Variants in LY6L observed in about 807,000 individuals in gnomAD.
The protein encoded by LY6L is lymphocyte antigen 6L.
A neutral mutation model predicts 8.3 loss-of-function variants in LY6L; 8 were observed. The ratio of observed to expected loss-of-function variants is 0.97; its 90% CI spans 0.57 to 1.74. LY6L has a LOEUF of 1.74. LY6L is among the 40% of genes most tolerant of loss of function. The pLI is 0.00. For missense variants in LY6L, 156 were observed against 183.8 expected (o/e 0.85, Z 0.87); for synonymous variants, 79 against 77.9 (o/e 1.01, Z -0.07).
chr8:143,082,868 C>A lies in LY6L; in HGVS notation c.*217C>A, dbSNP rs1175985456. ...GAGAACCCCAAGGATTCAGCAACTG[C>A]TCCTCCTGGGGAAGGACAGTGCCTC... is the stretch of plus-strand genomic sequence containing the variant. On this transcript the variant is annotated 3_prime_UTR_variant, in exon 4 of 4. Coordinates refer to ENST00000562505, the MANE Select transcript of LY6L (RefSeq NM_001368160.2). 1 of 517,148 alleles carries A rather than the reference C, an allele frequency of 1.9e-6. No homozygotes were observed. Among genetic ancestry groups the A allele is most frequent in the Non-Finnish European group, 3.4e-6 (1 of 292,652 alleles). 32.0% of individuals were successfully genotyped at this position (517,148 alleles called of 1,614,324 possible).
chr8:143,082,478 G>A lies in LY6L; in HGVS notation c.244G>A (p.Asp82Asn), dbSNP rs1335741120. ...ACGCTGTGCTCCCAGATGTCCCAAC[G>A]ACAACATGAAGTTCGAATGGTCGCC... ...SKRCAPRCPN[D>N]NMKFEWSPAP... Residue 82 changes from aspartate (D) to asparagine (N), a missense_variant, in exon 4 of 4, where the codon GAC becomes AAC. Asp to Asn is a conservative substitution (Grantham distance 23). Coordinates refer to ENST00000562505, the MANE Select transcript of LY6L (RefSeq NM_001368160.2). 4.2e-5 allele frequency: 65 copies of A among 1,535,374 alleles called. No individual in the cohort carries two copies. In the Admixed American group the frequency reaches 9.8e-4, roughly 23 times the overall value.
In LY6L at chr8:143,081,141, G is replaced by A; in HGVS notation, c.73+15G>A. 1.3e-6 allele frequency: 2 copies of A among 1,533,676 alleles called. No homozygotes were observed. The highest frequency in any genetic ancestry group is 1.7e-6 in the Non-Finnish European group (2 of 1,145,578). On this transcript the variant is annotated intron_variant, in intron 2 of 3. Transcript: ENST00000562505. ...CACGACGCCAGGTAAGGCGCGGCCC[G>A]GGCTGGGCTGGGGGCGTCGGGGCTG...
In LY6L at chr8:143,082,751, GA is replaced by G. The variant is rs1408356702; in HGVS notation, c.*101del. The G allele has an allele frequency of 1.0e-6, 1 of 993,654 alleles. No homozygotes were observed. Among genetic ancestry groups the G allele is most frequent in the African/African-American group, 1.6e-5 (1 of 61,088 alleles). 61.6% of individuals were successfully genotyped at this position (993,654 alleles called of 1,614,324 possible). On this transcript the variant is annotated 3_prime_UTR_variant, in exon 4 of 4. Coordinates refer to ENST00000562505, the MANE Select transcript of LY6L (RefSeq NM_001368160.2). ...CGCCCCTTCCAGGACACTGGGGGGGGACCCTCCCTCTCTGAGGTGGTGGGGA... is the reference window on the plus strand; with the variant it reads ...CGCCCCTTCCAGGACACTGGGGGGGGCCCTCCCTCTCTGAGGTGGTGGGGA...
chr8:143,081,708 G>A (rs563876271), intron 3 of LY6L, among the ~76,000 whole-genome samples: 2 of 152,298 alleles, frequency 1.3e-5, no homozygotes, highest in Admixed American at 6.5e-5. Flanking sequence ...CACTGGAATC[G>A]ATACAGTGTA....
Position 143,082,672 on chromosome 8 carries a change from C to G in LY6L, c.*21C>G, listed in dbSNP as rs957796179. ...TGTGAGGGCCCTCCCTTTACGCCCC[C>G]TCCTGGCCCTGCTGGCCCATCCCGT... On this transcript the variant is annotated 3_prime_UTR_variant, in exon 4 of 4. Coordinates refer to ENST00000562505, the MANE Select transcript of LY6L (RefSeq NM_001368160.2). 26 of 1,441,184 alleles carry G rather than the reference C, an allele frequency of 1.8e-5. No homozygotes were observed. Among genetic ancestry groups the G allele is most frequent in the Admixed American group, 2.6e-5 (1 of 38,516 alleles). The allele number at this position is 1,441,184 out of a possible 1,614,324, so 89.3% of individuals were successfully genotyped here.
Position 143,081,337 on chromosome 8 carries a change from C to G in LY6L, c.190+10C>G. On this transcript the variant is annotated intron_variant, in intron 3 of 3. Transcript: ENST00000562505. Reference sequence around the variant, plus strand: ...GTGGTCGTCTCTTTTAGTGAGTCCCCCCCGGGCAGAGGGCAGGTGCCAGGT... The same window carrying G: ...GTGGTCGTCTCTTTTAGTGAGTCCCGCCCGGGCAGAGGGCAGGTGCCAGGT... The G allele has an allele frequency of 6.7e-7, 1 of 1,485,822 alleles. No individual in the cohort carries two copies. Among genetic ancestry groups the G allele is most frequent in the Non-Finnish European group, 9.0e-7 (1 of 1,111,884 alleles). The allele number at this position is 1,485,822 out of a possible 1,614,324, so 92.0% of individuals were successfully genotyped here.
Position 143,082,684 on chromosome 8 carries a change from C to T in LY6L, c.*33C>T. The T allele has an allele frequency of 7.1e-7, 1 of 1,411,532 alleles. No individual in the cohort carries two copies. Among genetic ancestry groups the T allele is most frequent in the Non-Finnish European group, 9.3e-7 (1 of 1,076,054 alleles). 87.4% of individuals were successfully genotyped at this position (1,411,532 alleles called of 1,614,324 possible). The stretch of plus-strand genomic sequence containing the variant: ...CCCTTTACGCCCCCTCCTGGCCCTG[C>T]TGGCCCATCCCGTCTCCTGCCTCCA... On this transcript the variant is annotated 3_prime_UTR_variant, in exon 4 of 4. Coordinates refer to ENST00000562505, the MANE Select transcript of LY6L (RefSeq NM_001368160.2).
chr8:143,081,101 G>T lies in LY6L; in HGVS notation c.48G>T (p.Ala16=), dbSNP rs762273690. 1 of 1,534,922 alleles carries T rather than the reference G, an allele frequency of 6.5e-7. No individual in the cohort carries two copies. The change falls in exon 2 of 4, where the codon GCG becomes GCT. Residue 16 remains alanine (A), a synonymous_variant. Transcript: ENST00000562505. ...LTLCTLPLAV[A]SAGCATTPAR... Reference sequence around the variant, plus strand: ...TGTGCACCCTCCCGCTGGCTGTGGCGTCTGCTGGCTGCGCCACGACGCCAG... The same window carrying T: ...TGTGCACCCTCCCGCTGGCTGTGGCTTCTGCTGGCTGCGCCACGACGCCAG...
At position 143,082,698 on chromosome 8, in the gene LY6L, C is replaced by T. The variant is rs1211192802; in HGVS notation, c.*47C>T. The T allele has an allele frequency of 7.3e-7, 1 of 1,370,390 alleles. No homozygotes were observed. The highest frequency in any genetic ancestry group is 1.5e-5 in the African/African-American group (1 of 68,380). The allele number at this position is 1,370,390 out of a possible 1,614,324, so 84.9% of individuals were successfully genotyped here. A position where few individuals can be genotyped will look rare whatever the true frequency, so the allele number is the denominator to read the frequency against. On this transcript the variant is annotated 3_prime_UTR_variant, in exon 4 of 4. Coordinates refer to ENST00000562505, the MANE Select transcript of LY6L (RefSeq NM_001368160.2). ...TCCTGGCCCTGCTGGCCCATCCCGT[C>T]TCCTGCCTCCAACTGCCATCCTGCC...
intron 1 of LY6L, 135 bp from the exon 2 acceptor site, chr8:143,080,901 A>C (rs1820416006): frequency 6.3e-6 from 4 of 639,912 alleles, no homozygotes; most frequent in East Asian, 5.9e-5. Context: ...TCCTGGGTGA[A>C]GCCGCGTCCG....
At chr8:143,081,411 C>A in intron 3 of LY6L, 84 bp downstream of exon 3, 1 of 851,750 alleles carries the variant, frequency 1.2e-6, no homozygotes, top group African/African-American at 1.7e-5. Context: ...AGCTATGAGT[C>A]CTCGGCGCTC....
chr8:143,080,767 A>C, intron 1 of LY6L, 108 bp downstream of exon 1: 1 of 424,866 alleles, frequency 2.4e-6, no homozygotes. Context: ...CCAAAGGCAG[A>C]GGGCCCAGGG....
At chr8:143,082,313 G>C in intron 3 of LY6L, 112 bp from the exon 4 acceptor site, 1 of 747,322 alleles carries the variant, frequency 1.3e-6, no homozygotes, top group Non-Finnish European at 2.2e-6. Flanking sequence ...ACGTGCTCTA[G>C]CTCTTTCTGG....
At chr8:143,080,932 G>A (rs1348664023) in intron 1 of LY6L, 104 bp from the exon 2 acceptor site, 6 of 810,580 alleles carry the variant, frequency 7.4e-6, no homozygotes, top group Non-Finnish European at 9.5e-6. Flanking sequence ...AGGCTAGTGT[G>A]GGATGGGGGG....
intron 3 of LY6L, among the ~76,000 whole-genome samples, 180 bp from the exon 4 acceptor site, chr8:143,082,245 C>T (rs778890619): frequency 1.3e-5 from 2 of 152,236 alleles, no homozygotes; most frequent in Non-Finnish European, 2.9e-5. Context: ...TCTGCAGCGC[C>T]TCACCCAGTA....
In LY6L at chr8:143,081,143, G is replaced by T. The variant is rs946832779; in HGVS notation, c.73+17G>T. Reference sequence around the variant, plus strand: ...CGACGCCAGGTAAGGCGCGGCCCGGGCTGGGCTGGGGGCGTCGGGGCTGGA... The same window carrying T: ...CGACGCCAGGTAAGGCGCGGCCCGGTCTGGGCTGGGGGCGTCGGGGCTGGA... On this transcript the variant is annotated intron_variant, in intron 2 of 3. Coordinates refer to ENST00000562505, the MANE Select transcript of LY6L (RefSeq NM_001368160.2). 4.6e-6 allele frequency: 7 copies of T among 1,533,628 alleles called. No individual in the cohort carries two copies. Among genetic ancestry groups the T allele is most frequent in the African/African-American group, 1.4e-5 (1 of 72,982 alleles).
intron 3 of LY6L, 91 bp downstream of exon 3, chr8:143,081,418 G>C: frequency 2.5e-6 from 2 of 803,540 alleles, no homozygotes; most frequent in Non-Finnish European, 3.8e-6. Context: ...AGTCCTCGGC[G>C]CTCCAGGGCC....
At position 143,082,485 on chromosome 8, in the gene LY6L, T is replaced by C; in HGVS notation, c.251T>C (p.Met84Thr). ...RCAPRCPNDN[M>T]KFEWSPAPMV... Reference sequence around the variant, plus strand: ...GCTCCCAGATGTCCCAACGACAACATGAAGTTCGAATGGTCGCCGGCCCCC... The same window carrying C: ...GCTCCCAGATGTCCCAACGACAACACGAAGTTCGAATGGTCGCCGGCCCCC... The change falls in exon 4 of 4, where the codon ATG becomes ACG. Residue 84 changes from methionine (M) to threonine (T), a missense_variant. By Grantham distance (81) the Met-to-Thr change is moderately conservative. Coordinates refer to ENST00000562505, the MANE Select transcript of LY6L (RefSeq NM_001368160.2). 2.0e-6 allele frequency: 3 copies of C among 1,535,466 alleles called. No individual in the cohort carries two copies. The highest frequency in any genetic ancestry group is 8.7e-7 in the Non-Finnish European group (1 of 1,146,700).
rs1820449620 is a variant in LY6L, at chr8:143,082,546, C to G, written c.312C>G (p.Ser104=). The G allele has an allele frequency of 1.2e-5, 19 of 1,535,334 alleles. No individual in the cohort carries two copies. The highest frequency in any genetic ancestry group is 1.7e-5 in the Non-Finnish European group (19 of 1,146,680). ...VQGVITRRCC[S]WALCNRALTP... ...GCGTGATCACCAGGCGCTGCTGTTC[C>G]TGGGCTCTCTGCAACAGGGCACTGA... Residue 104 remains serine (S), a synonymous_variant, in exon 4 of 4, where the codon TCC becomes TCG. Coordinates refer to ENST00000562505, the MANE Select transcript of LY6L (RefSeq NM_001368160.2).
Sources: allele counts gnomAD v4.1 joint callset (sites outside exome capture counted in the v4.1 genomes callset), GRCh38; gene constraint gnomAD v4.1.1; transcripts MANE v1.5; gene names NCBI Gene and HGNC (gene_info 2026-07-23, HGNC 2026-07-21).